Variants in ETNK1 observed in about 807,000 individuals in gnomAD.
The protein encoded by ETNK1 is ethanolamine kinase 1.
A neutral mutation model predicts 45.1 loss-of-function variants in ETNK1; 8 were observed. The observed-to-expected ratio is 0.18, with a 90% CI of 0.10 to 0.32. The LOEUF is 0.32. ETNK1 is among the 10% of genes least tolerant of loss of function. The pLI is 1.00. For missense variants in ETNK1, 302 were observed against 430.6 expected (o/e 0.70, Z 2.64); for synonymous variants, 152 against 151.9 (o/e 1.00, Z -0.01).
At chr12:22,660,907 T>G (rs943663550) in intron 3 of ETNK1, among the ~76,000 whole-genome samples, 156 bp from the exon 4 acceptor site, 1 of 152,196 alleles carries the variant, frequency 6.6e-6, no homozygotes, top group African/African-American at 2.4e-5. Flanking sequence ...TAGGTTTTCT[T>G]TATTCTAACT....
chr12:22,670,463 T>A (rs1293911395), intron 4 of ETNK1, among the ~76,000 whole-genome samples: 1 of 152,122 alleles, frequency 6.6e-6, no homozygotes, highest in Non-Finnish European at 1.5e-5. Context: ...TTTATAATAT[T>A]CATTACTCAA....
intron 4 of ETNK1, among the ~76,000 whole-genome samples, chr12:22,670,337 G>A (rs1189117386): frequency 6.7e-6 from 1 of 150,040 alleles, no homozygotes; most frequent in African/African-American, 2.4e-5. Flanking sequence ...CTTTGAGTTT[G>A]TGATCCCTGG....
Position 22,688,817 on chromosome 12 carries a change from G to A in ETNK1, c.*3863G>A, listed in dbSNP as rs1592141114. 1 of 151,856 alleles carries A rather than the reference G, an allele frequency of 6.6e-6. No individual in the cohort carries two copies. Among genetic ancestry groups the A allele is most frequent in the African/African-American group, 2.4e-5 (1 of 41,428 alleles). The allele number at this position is 151,856 out of a possible 1,614,324, so 9.4% of individuals were successfully genotyped here. A position where few individuals can be genotyped will look rare whatever the true frequency, so the allele number is the denominator to read the frequency against. On this transcript the variant is annotated 3_prime_UTR_variant, in exon 8 of 8. Coordinates refer to ENST00000266517, the MANE Select transcript of ETNK1 (RefSeq NM_018638.5). ...TTTTTCTTTAGTCCATTAGATTCCA[G>A]AATGTCCTTTTACTGGGAATTTAGT...
At position 22,686,016 on chromosome 12, in the gene ETNK1, C is replaced by T. The variant is rs1230125068; in HGVS notation, c.*1062C>T. On this transcript the variant is annotated 3_prime_UTR_variant, in exon 8 of 8. Transcript: ENST00000266517. ...TTTTTAGACTGATAGCAAATGATTA[C>T]TTGATACATGTAAGTTCAGCGTTAT... The T allele has an allele frequency of 1.3e-5, 2 of 152,238 alleles. No individual in the cohort carries two copies. The highest frequency in any genetic ancestry group is 2.9e-5 in the Non-Finnish European group (2 of 67,816). The allele number at this position is 152,238 out of a possible 1,614,324, so 9.4% of individuals were successfully genotyped here.
intron 1 of ETNK1, among the ~76,000 whole-genome samples, chr12:22,628,938 A>G (rs2137511098): frequency 6.6e-6 from 1 of 152,230 alleles, no homozygotes; most frequent in South Asian, 2.1e-4. Context: ...TACAGTGCTC[A>G]AGAGCATGGG....
At chr12:22,636,179 A>G (rs982274386) in intron 1 of ETNK1, among the ~76,000 whole-genome samples, 5 of 152,080 alleles carry the variant, frequency 3.3e-5, no homozygotes, top group African/African-American at 1.2e-4. Context: ...AAGGTAAGAA[A>G]AAGAATATTC....
rs559815313 is a variant in ETNK1, at chr12:22,664,214, G to A, written c.700+3009G>A. On this transcript the variant is annotated intron_variant, in intron 4 of 7. Coordinates refer to ENST00000266517, the MANE Select transcript of ETNK1 (RefSeq NM_018638.5). ...AGTCAATATTGAGTAAATGTAATAT[G>A]CAAACTAGTTATATGTTTGCATTTA... 4.6e-5 allele frequency among the ~76,000 whole-genome samples: 7 copies of A among 151,946 alleles called. No individual in the cohort carries two copies. The South Asian group carries it at 1.5e-3, about 31-fold the overall frequency.
intron 6 of ETNK1, among the ~76,000 whole-genome samples, chr12:22,682,007 C>T (rs1238707469): frequency 6.6e-6 from 1 of 152,080 alleles, no homozygotes; most frequent in Non-Finnish European, 1.5e-5. Context: ...ATTTTTTACT[C>T]TATTACATTA....
At chr12:22,660,103 G>A (rs926373924) in intron 3 of ETNK1, among the ~76,000 whole-genome samples, 3 of 150,464 alleles carry the variant, frequency 2.0e-5, no homozygotes, top group Admixed American at 2.0e-4. Flanking sequence ...GCATTATGAG[G>A]ATTACTTGTG....
rs542944396 is a variant in ETNK1, at chr12:22,662,173, T to A, written c.700+968T>A. On this transcript the variant is annotated intron_variant, in intron 4 of 7. Coordinates refer to ENST00000266517, the MANE Select transcript of ETNK1 (RefSeq NM_018638.5). ...ACTTCCGCCTCCCAAGTTCAAGTGATTCTCCTGCCTCAGCCTCCTGAATAG... is the reference window on the plus strand; with the variant it reads ...ACTTCCGCCTCCCAAGTTCAAGTGAATCTCCTGCCTCAGCCTCCTGAATAG... 2.7e-5 allele frequency among the ~76,000 whole-genome samples: 4 copies of A among 150,346 alleles called. No individual in the cohort carries two copies. The East Asian group carries it at 7.9e-4, about 30-fold the overall frequency.
In ETNK1 at chr12:22,638,164, G is replaced by A. The variant is rs142799782; in HGVS notation, c.157-5599G>A. ...AAGAAGTTGGCCTCTAGAAGTGGGT[G>A]GGATACATGGCCACATAATCTGTTT... On this transcript the variant is annotated intron_variant, in intron 1 of 7. Transcript: ENST00000266517. 5.6e-3 allele frequency among the ~76,000 whole-genome samples: 850 copies of A among 152,128 alleles called. 3 individuals are homozygous for A. The highest frequency in any genetic ancestry group is 0.01 in the Middle Eastern group (3 of 294).
chr12:22,632,450 A>G (rs942985132), intron 1 of ETNK1, among the ~76,000 whole-genome samples: 1 of 152,032 alleles, frequency 6.6e-6, no homozygotes, highest in African/African-American at 2.4e-5. Context: ...TCACAAACCT[A>G]ATATTTGATG....
At chr12:22,635,675 A>G (rs937921106) in intron 1 of ETNK1, among the ~76,000 whole-genome samples, 2 of 152,222 alleles carry the variant, frequency 1.3e-5, no homozygotes, top group South Asian at 2.1e-4. Context: ...TTCATTTCCA[A>G]TGAGTTGATG....
At chr12:22,629,391 T>A (rs1953545904) in intron 1 of ETNK1, among the ~76,000 whole-genome samples, 1 of 152,132 alleles carries the variant, frequency 6.6e-6, no homozygotes, top group South Asian at 2.1e-4. Context: ...TTTAAGCATA[T>A]GTATTCTATC....
At chr12:22,642,649 A>C (rs1051098493) in intron 1 of ETNK1, among the ~76,000 whole-genome samples, 1 of 151,956 alleles carries the variant, frequency 6.6e-6, no homozygotes, top group African/African-American at 2.4e-5. Context: ...AATCTAATTG[A>C]GATAGAAATA....
chr12:22,639,461 GAGAT>G (rs1439002728), intron 1 of ETNK1, among the ~76,000 whole-genome samples: 1 of 152,118 alleles, frequency 6.6e-6, no homozygotes. Flanking sequence ...TGGATCACCT[GAGAT>G]CAGGAGCTCT....
chr12:22,679,706 T>TG (rs1374421310), intron 6 of ETNK1, among the ~76,000 whole-genome samples: 12 of 150,258 alleles, frequency 8.0e-5, no homozygotes, highest in South Asian at 2.1e-4. Context: ...TTTTTTGTTT[T>TG]TTTTTTTTTT....
At chr12:22,625,781 G>T (rs1331037698) in intron 1 of ETNK1, 195 bp downstream of exon 1, 1 of 824,284 alleles carries the variant, frequency 1.2e-6, no homozygotes. Context: ...GTTGCTCTTT[G>T]AGATTGACCT....
chr12:22,629,596 G>A (rs939342695), intron 1 of ETNK1, among the ~76,000 whole-genome samples: 1 of 152,098 alleles, frequency 6.6e-6, no homozygotes. Context: ...TACAATTGCT[G>A]TGTTAAGTTA....
Sources: allele counts gnomAD v4.1 joint callset (sites outside exome capture counted in the v4.1 genomes callset), GRCh38; gene constraint gnomAD v4.1.1; transcripts MANE v1.5; gene names NCBI Gene and HGNC (gene_info 2026-07-23, HGNC 2026-07-21).